The following CADPS variants were observed in gnomAD, a reference collection of about 807,000 sequenced individuals.
CADPS encodes the protein calcium dependent secretion activator, also known as calcium-dependent secretion activator 1.
CADPS carries 57 observed loss-of-function variants against 167.3 expected under a neutral mutation model. The ratio of observed to expected loss-of-function variants is 0.34; its 90% confidence interval spans 0.28 to 0.42. The LOEUF is 0.42. Ranked by LOEUF, CADPS falls within the 20% of genes least tolerant of loss-of-function variation. The pLI, the probability that CADPS is intolerant of heterozygous loss-of-function variation, is 1.00. For missense variants in CADPS, 1,414 were observed against 1,738.1 expected (o/e 0.81, Z 3.32); for synonymous variants, 676 against 635.3 (o/e 1.06, Z -0.96).
At chr3:62,847,238 T>G (rs112951254) in intron 1 of CADPS, among the ~76,000 whole-genome samples, 1,858 of 151,560 alleles carry the variant, frequency 0.012, 55 homozygotes, top group African/African-American at 0.042. Flanking sequence ...CCACCTCCAG[T>G]TACCAAATCC....
At chr3:62,443,410 T>G (rs2149883881) in intron 27 of CADPS, among the ~76,000 whole-genome samples, 1 of 152,310 alleles carries the variant, frequency 6.6e-6, no homozygotes, top group South Asian at 2.1e-4. Context: ...TCTTCTGCCC[T>G]CCAGAGTGTG....
chr3:62,737,854 C>T (rs1201916137), intron 3 of CADPS, among the ~76,000 whole-genome samples: 2 of 152,180 alleles, frequency 1.3e-5, no homozygotes, highest in African/African-American at 2.4e-5. Flanking sequence ...CCTACAGAGA[C>T]TTCTCTGTCT....
chr3:62,441,078 C>G (rs965175415), intron 27 of CADPS: 6 of 152,232 alleles, frequency 3.9e-5, no homozygotes, highest in African/African-American at 1.2e-4. Flanking sequence ...CACAAACAAG[C>G]TAACCCTTAG....
In CADPS at chr3:62,729,210, G is replaced by A. The variant is rs1179958183; in HGVS notation, c.888+24231C>T. 5.3e-5 allele frequency among the ~76,000 whole-genome samples: 8 copies of A among 151,726 alleles called. No individual in the cohort carries two copies. The East Asian group carries it at 1.5e-3, about 29-fold the overall frequency. ...GGACCCAAATTGATGCGGAGCCATT[G>A]CTCTCTCTCAATGTTTGCAGACAGA... On this transcript the variant is annotated intron_variant, in intron 3 of 29. Transcript: ENST00000383710.
At chr3:62,550,709 C>G (rs2152267680) in intron 10 of CADPS, 1 of 434,414 alleles carries the variant, frequency 2.3e-6, no homozygotes, top group East Asian at 7.1e-5. Context: ...TTCTGCCTTA[C>G]AACCCCTCCA....
intron 27 of CADPS, among the ~76,000 whole-genome samples, chr3:62,444,978 G>T (rs1247062170): frequency 1.3e-5 from 2 of 152,074 alleles, no homozygotes; most frequent in Non-Finnish European, 2.9e-5. Context: ...GTTAGAAATG[G>T]AGAAACAAAA....
chr3:62,470,554 A>T (rs973461113), intron 24 of CADPS: 1 of 152,262 alleles, frequency 6.6e-6, no homozygotes, highest in Non-Finnish European at 1.5e-5. Context: ...TTAAGGTTAC[A>T]GCCACTGTGC....
intron 23 of CADPS, among the ~76,000 whole-genome samples, chr3:62,475,537 G>T (rs1425783139): frequency 8.5e-6 from 1 of 118,262 alleles, no homozygotes; most frequent in African/African-American, 3.2e-5. Flanking sequence ...CTGAGTGCAT[G>T]CAGAGAAGCC....
intron 23 of CADPS, among the ~76,000 whole-genome samples, chr3:62,477,480 C>T (rs2061476310): frequency 6.6e-6 from 1 of 152,120 alleles, no homozygotes; most frequent in South Asian, 2.1e-4. Flanking sequence ...AGGGATTCTA[C>T]TACTCTCATT....
intron 4 of CADPS, among the ~76,000 whole-genome samples, chr3:62,659,290 T>C (rs940504439): frequency 6.6e-6 from 1 of 152,204 alleles, no homozygotes; most frequent in Non-Finnish European, 1.5e-5. Context: ...TTTGTCTTAA[T>C]ATCTCTTCAT....
At chr3:62,681,594 T>C (rs985302982) in intron 3 of CADPS, among the ~76,000 whole-genome samples, 1 of 152,072 alleles carries the variant, frequency 6.6e-6, no homozygotes, top group African/African-American at 2.4e-5. Context: ...GGGCAGAAAC[T>C]ATAGCTGGCT....
chr3:62,645,892 A>G, intron 5 of CADPS, 49 bp from the exon 6 acceptor site: 1 of 1,605,410 alleles, frequency 6.2e-7, no homozygotes, highest in South Asian at 1.1e-5. Flanking sequence ...GGCCCCTGGC[A>G]GCATCGCCCA....
At chr3:62,607,090 C>G (rs1264691418) in intron 6 of CADPS, among the ~76,000 whole-genome samples, 10 of 152,238 alleles carry the variant, frequency 6.6e-5, no homozygotes, top group Admixed American at 6.5e-4. Flanking sequence ...TGTTTCTACT[C>G]TATGTTCTGT....
At chr3:62,744,113 T>C (rs756653312) in intron 3 of CADPS, among the ~76,000 whole-genome samples, 6 of 152,154 alleles carry the variant, frequency 3.9e-5, no homozygotes, top group Non-Finnish European at 8.8e-5. Flanking sequence ...TTTACTAAAA[T>C]GTAGGTACAA....
At chr3:62,531,656 C>T (rs748912118) in intron 13 of CADPS, among the ~76,000 whole-genome samples, 7 of 152,210 alleles carry the variant, frequency 4.6e-5, no homozygotes, top group Non-Finnish European at 8.8e-5. Context: ...AGAGCAGCGA[C>T]TTTTGCATCT....
At chr3:62,491,268 T>C in intron 21 of CADPS, 71 bp downstream of exon 21, 1 of 1,450,782 alleles carries the variant, frequency 6.9e-7, no homozygotes, top group Non-Finnish European at 9.5e-7. Context: ...ATGACATCAT[T>C]AATCCATTTC....
At chr3:62,488,297 T>C (rs931853709) in intron 21 of CADPS, among the ~76,000 whole-genome samples, 1 of 152,126 alleles carries the variant, frequency 6.6e-6, no homozygotes, top group Non-Finnish European at 1.5e-5. Flanking sequence ...CTATTCACGT[T>C]GTAGGAAACA....
At chr3:62,534,187 T>TG (rs1027812248) in intron 12 of CADPS, among the ~76,000 whole-genome samples, 1 of 152,204 alleles carries the variant, frequency 6.6e-6, no homozygotes, top group East Asian at 1.9e-4. Flanking sequence ...GCTGGAAATT[T>TG]GGGGCTATTT....
rs552039179 is a variant in CADPS, at chr3:62,733,737, G to T, written c.888+19704C>A. Among the ~76,000 whole-genome samples the T allele has an allele frequency of 2.0e-5, 3 of 152,042 alleles. No individual in the cohort carries two copies. In the East Asian group the frequency reaches 5.8e-4, roughly 29 times the overall value. On this transcript the variant is annotated intron_variant, in intron 3 of 29. Coordinates refer to ENST00000383710, the MANE Select transcript of CADPS (RefSeq NM_003716.4). The stretch of plus-strand genomic sequence containing the variant: ...GTTTTTGAGGAAAAGGTGGTTTTTG[G>T]TTACGTGGATAAGTCCTTTAGTGGT...
Sources: gnomAD v4.1 joint callset for allele counts (sites outside exome capture counted in the v4.1 genomes callset) on GRCh38, gnomAD v4.1.1 for gene constraint, MANE v1.5 for transcripts, NCBI Gene and HGNC (gene_info 2026-07-23, HGNC 2026-07-21) for gene names.